Variants in SIMC1 observed in about 807,000 individuals in gnomAD.
The protein encoded by SIMC1 is SUMO-interacting motif-containing protein 1.
In SIMC1, 55 loss-of-function variants were observed where a neutral mutation model predicts 82.3. The ratio of observed to expected loss-of-function variants is 0.67; its 90% CI spans 0.54 to 0.84. SIMC1 has a LOEUF of 0.84. Among genes scored for constraint, SIMC1 ranks in the 40% least tolerant of loss-of-function variants. SIMC1 has a pLI of 0.00. For synonymous variants in SIMC1, 353 were observed against 426.3 expected, an observed-to-expected ratio of 0.83 and a Z score of 2.12; for missense variants, 915 against 1,107.2, an observed-to-expected ratio of 0.83 and a Z score of 2.46.
intron 1 of SIMC1, among the ~76,000 whole-genome samples, chr5:176,243,879 G>A (rs1454786688): frequency 6.9e-6 from 1 of 144,542 alleles, no homozygotes; most frequent in Non-Finnish European, 1.5e-5. Flanking sequence ...GGTAAGGTAG[G>A]GAGACCATAT....
intron 9 of SIMC1, among the ~76,000 whole-genome samples, chr5:176,344,961 A>G (rs1378434868): frequency 6.6e-6 from 1 of 152,088 alleles, no homozygotes; most frequent in Non-Finnish European, 1.5e-5. Context: ...GATCCAAACC[A>G]TATCACTTTT....
At chr5:176,335,014 C>T (rs560079043) in intron 7 of SIMC1, among the ~76,000 whole-genome samples, 1 of 151,604 alleles carries the variant, frequency 6.6e-6, no homozygotes, top group Admixed American at 6.6e-5. Flanking sequence ...TTGCTTGAAC[C>T]CGGGGGGTGG....
At chr5:176,260,621 A>C (rs1167113439) in intron 1 of SIMC1, among the ~76,000 whole-genome samples, 1 of 151,642 alleles carries the variant, frequency 6.6e-6, no homozygotes, top group African/African-American at 2.4e-5. Flanking sequence ...AGGAAAAAAA[A>C]TGTTTGTAGG....
In SIMC1 at chr5:176,290,874, G is replaced by C. The variant is rs1364025629; in HGVS notation, c.1350G>C (p.Leu450=). 6.2e-7 allele frequency: 1 copy of C among 1,612,844 alleles called. No individual in the cohort carries two copies. The highest frequency in any genetic ancestry group is 8.5e-7 in the Non-Finnish European group (1 of 1,179,428). Residue 450 remains leucine, a synonymous_variant, in exon 2 of 10, where the codon CTG becomes CTC. Transcript: ENST00000429602. ...GTGGGTTGTACAACAGACCATGCCT[G>C]CATAGACTGAAGTACTTCTTACGTC... ...PQGGLYNRPC[L]HRLKYFLRPP...
At chr5:176,259,811 A>C (rs1035417961) in intron 1 of SIMC1, among the ~76,000 whole-genome samples, 72 of 151,814 alleles carry the variant, frequency 4.7e-4, no homozygotes, top group Admixed American at 9.9e-4. Flanking sequence ...TACAGGTAAG[A>C]AATTCTTATG....
intron 4 of SIMC1, chr5:176,313,340 C>T: frequency 1.3e-6 from 2 of 1,487,164 alleles, no homozygotes; most frequent in Non-Finnish European, 1.8e-6. Context: ...ATGGCTGCCT[C>T]TTAAATCAAA....
chr5:176,328,568 G>T (rs1765492717), intron 7 of SIMC1, among the ~76,000 whole-genome samples: 1 of 152,106 alleles, frequency 6.6e-6, no homozygotes, highest in Non-Finnish European at 1.5e-5. Context: ...CCTGGGCAAT[G>T]ACCTTGAGCA....
At chr5:176,252,748 C>T (rs1183367020) in intron 1 of SIMC1, among the ~76,000 whole-genome samples, 2 of 152,178 alleles carry the variant, frequency 1.3e-5, no homozygotes, top group African/African-American at 4.8e-5. Flanking sequence ...GGCGGCCGGG[C>T]AGAGGCTGCA....
rs1183872317 is a variant in SIMC1, at chr5:176,308,834, CT to C, written c.1735-4856del. 3 of 1,235,478 alleles carry C rather than the reference CT, an allele frequency of 2.4e-6. No individual in the cohort carries two copies. In the African/African-American group the frequency reaches 4.4e-5, roughly 18 times the overall value. 76.5% of individuals were successfully genotyped at this position (1,235,478 alleles called of 1,614,324 possible). A position where few individuals can be genotyped will look rare whatever the true frequency, so the allele number is the denominator to read the frequency against. On this transcript the variant is annotated intron_variant, in intron 4 of 9. Coordinates refer to ENST00000429602, the MANE Select transcript of SIMC1 (RefSeq NM_001308195.2). ...GGATCCACAGCCTTACACATCTGGA[CT>C]CATAACCAAGATCCATAATGGCTCA... is the stretch of plus-strand genomic sequence containing the variant.
chr5:176,290,606 G>A lies in SIMC1; in HGVS notation c.1082G>A (p.Arg361Lys). 6.2e-7 allele frequency: 1 copy of A among 1,613,972 alleles called. No individual in the cohort carries two copies. The highest frequency in any genetic ancestry group is 8.5e-7 in the Non-Finnish European group (1 of 1,179,896). The change falls in exon 2 of 10, where the codon AGA becomes AAA. Residue 361 changes from arginine to lysine, a missense_variant. Coordinates refer to ENST00000429602, the MANE Select transcript of SIMC1 (RefSeq NM_001308195.2). ...TCAGGGGACGTGACACACTCACCTAGAGACATCCCTCACTTACCAGGAGAC... is the reference window on the plus strand; with the variant it reads ...TCAGGGGACGTGACACACTCACCTAAAGACATCCCTCACTTACCAGGAGAC... ...HSSGDVTHSP[R>K]DIPHLPGDRP...
At chr5:176,304,934 G>A (rs1764232032) in intron 4 of SIMC1, among the ~76,000 whole-genome samples, 1 of 129,296 alleles carries the variant, frequency 7.7e-6, no homozygotes, top group Non-Finnish European at 1.7e-5. Context: ...GAGAAGTGAG[G>A]AGACCCTCTG....
chr5:176,293,200 G>A, intron 2 of SIMC1, among the ~76,000 whole-genome samples: 1 of 152,126 alleles, frequency 6.6e-6, no homozygotes, highest in East Asian at 1.9e-4. Context: ...CATTTTGGGA[G>A]GCCGTGGTCG....
Position 176,308,567 on chromosome 5 carries a change from A to G in SIMC1, c.1735-5124A>G. 3.1e-6 allele frequency: 5 copies of G among 1,592,522 alleles called. No homozygotes were observed. In the East Asian group the frequency reaches 6.7e-5, roughly 21 times the overall value. On this transcript the variant is annotated intron_variant, in intron 4 of 9. Coordinates refer to ENST00000429602, the MANE Select transcript of SIMC1 (RefSeq NM_001308195.2). ...ATAAGAACACAAGGGCTGGCCGGGT[A>G]CTCTACACTTGCTTCCAATCCATAC... is the stretch of plus-strand genomic sequence containing the variant.
At chr5:176,325,468 G>A (rs1210729706) in intron 7 of SIMC1, among the ~76,000 whole-genome samples, 2 of 151,944 alleles carry the variant, frequency 1.3e-5, no homozygotes, top group Non-Finnish European at 2.9e-5. Flanking sequence ...GGCGGATCAC[G>A]AGGTCAGGAG....
At chr5:176,330,464 G>A (rs1241786223) in intron 7 of SIMC1, among the ~76,000 whole-genome samples, 1 of 151,392 alleles carries the variant, frequency 6.6e-6, no homozygotes, top group African/African-American at 2.4e-5. Flanking sequence ...AACTGTGTTA[G>A]GTAAAGTACA....
Position 176,313,348 on chromosome 5 carries a change from A to G in SIMC1, c.1735-343A>G, listed in dbSNP as rs1421169221. On this transcript the variant is annotated intron_variant, in intron 4 of 9. Transcript: ENST00000429602. ...ACTTCCCATGGCTGCCTCTTAAATC[A>G]AATGATCTACAATCCTAGAGATTCC... The G allele has an allele frequency of 2.7e-6, 4 of 1,493,514 alleles. No homozygotes were observed. The East Asian group carries it at 9.9e-5, about 37-fold the overall frequency. The allele number at this position is 1,493,514 out of a possible 1,614,324, so 92.5% of individuals were successfully genotyped here.
chr5:176,285,677 A>T (rs1425377388), intron 1 of SIMC1, among the ~76,000 whole-genome samples: 5 of 152,070 alleles, frequency 3.3e-5, no homozygotes, highest in Non-Finnish European at 7.4e-5. Flanking sequence ...GTATTCAATT[A>T]GGAAAAGAGG....
At chr5:176,276,241 T>C (rs902804978) in intron 1 of SIMC1, among the ~76,000 whole-genome samples, 6 of 151,642 alleles carry the variant, frequency 4.0e-5, no homozygotes, top group African/African-American at 1.5e-4. Flanking sequence ...TTCTTCTAGA[T>C]TTTCTAGTTT....
chr5:176,328,688 G>C (rs1157279511), intron 7 of SIMC1, among the ~76,000 whole-genome samples: 1 of 152,076 alleles, frequency 6.6e-6, no homozygotes, highest in African/African-American at 2.4e-5. Context: ...GCCAAAAATG[G>C]AATACAAACA....
Sources: allele counts gnomAD v4.1 joint callset (sites outside exome capture counted in the v4.1 genomes callset), GRCh38; gene constraint gnomAD v4.1.1; transcripts MANE v1.5; gene names NCBI Gene and HGNC (gene_info 2026-07-23, HGNC 2026-07-21).